Variants in ITGA9 observed in about 807,000 individuals in gnomAD.
The protein encoded by ITGA9 is integrin alpha-9.
Under a neutral mutation model 127.8 loss-of-function variants are expected in ITGA9, and 56 were observed. That is an observed-to-expected ratio of 0.44 (90% CI 0.35 to 0.55). The LOEUF (loss-of-function observed/expected upper bound fraction) is 0.55. Ranked by LOEUF, ITGA9 falls within the 20% of genes least tolerant of loss-of-function variation. The pLI is 0.00. For missense variants in ITGA9, 1,196 were observed against 1,347.1 expected (o/e 0.89, Z 1.76); for synonymous variants, 508 against 514.5 (o/e 0.99, Z 0.17).
intron 18 of ITGA9, among the ~76,000 whole-genome samples, chr3:37,722,926 T>C (rs565677068): frequency 6.6e-6 from 1 of 152,226 alleles, no homozygotes; most frequent in Non-Finnish European, 1.5e-5. Flanking sequence ...TATTTTACAT[T>C]CCCATCAGTA....
chr3:37,530,394 C>T (rs1699137737), intron 13 of ITGA9, among the ~76,000 whole-genome samples: 1 of 152,216 alleles, frequency 6.6e-6, no homozygotes, highest in Non-Finnish European at 1.5e-5. Flanking sequence ...TCGTTCCTAA[C>T]CCTCCTAAGG....
chr3:37,748,472 G>A, intron 22 of ITGA9: 1 of 570,114 alleles, frequency 1.8e-6, no homozygotes, highest in Non-Finnish European at 3.3e-6. Context: ...GAAGCTGGCG[G>A]CACAGTAGCT....
chr3:37,752,820 T>A (rs1696604541), intron 23 of ITGA9, among the ~76,000 whole-genome samples: 1 of 152,218 alleles, frequency 6.6e-6, no homozygotes, highest in African/African-American at 2.4e-5. Context: ...GGTCCAGCTG[T>A]CTGTAAGTGG....
intron 13 of ITGA9, among the ~76,000 whole-genome samples, chr3:37,530,443 G>T (rs886713422): frequency 3.9e-5 from 6 of 152,164 alleles, no homozygotes; most frequent in African/African-American, 1.4e-4. Flanking sequence ...AATGCTATGG[G>T]CTGCAGCTAA....
In ITGA9 at chr3:37,490,975, C is replaced by CCCTTTT. The variant is rs548395527; in HGVS notation, c.545-3526_545-3525insCCTTTT. On this transcript the variant is annotated intron_variant, in intron 4 of 27. Coordinates refer to ENST00000264741, the MANE Select transcript of ITGA9 (RefSeq NM_002207.3). Reference sequence around the variant, plus strand: ...GGTCTCAGATTTGGCTTCCCCCCCGCTTTTTTTTTTTTTTTTTTTGAGACC... The same window carrying CCCTTTT: ...GGTCTCAGATTTGGCTTCCCCCCCGCCCTTTTTTTTTTTTTTTTTTTTTTTGAGACC... 4.8e-5 allele frequency among the ~76,000 whole-genome samples: 5 copies of CCCTTTT among 105,104 alleles called. 1 individual carries two copies. Among genetic ancestry groups the CCCTTTT allele is most frequent in the Non-Finnish European group, 5.9e-5 (3 of 51,014 alleles). 69.0% of individuals were successfully genotyped at this position (105,104 alleles called of 152,430 possible).
chr3:37,621,671 G>A (rs957122722), intron 15 of ITGA9, among the ~76,000 whole-genome samples: 1 of 152,168 alleles, frequency 6.6e-6, no homozygotes, highest in African/African-American at 2.4e-5. Flanking sequence ...GGGGTTATGT[G>A]ATTTTCATAG....
At chr3:37,796,521 G>GGACA (rs1379753981) in intron 26 of ITGA9, among the ~76,000 whole-genome samples, 1 of 151,954 alleles carries the variant, frequency 6.6e-6, no homozygotes, top group Non-Finnish European at 1.5e-5. Flanking sequence ...ATGGAACGAC[G>GGACA]GACAGACGGA....
At chr3:37,763,264 G>A (rs1198065949) in intron 23 of ITGA9, among the ~76,000 whole-genome samples, 5 of 152,174 alleles carry the variant, frequency 3.3e-5, no homozygotes, top group African/African-American at 7.2e-5. Context: ...AATTTTAAAC[G>A]GAGTGGTCAG....
intron 15 of ITGA9, among the ~76,000 whole-genome samples, chr3:37,546,787 G>A (rs1322136931): frequency 2.6e-5 from 4 of 152,184 alleles, no homozygotes; most frequent in African/African-American, 9.7e-5. Context: ...GGCTTGAGAT[G>A]ATGGAGAAGA....
chr3:37,585,134 A>G (rs1329207382), intron 15 of ITGA9, among the ~76,000 whole-genome samples: 2 of 152,128 alleles, frequency 1.3e-5, no homozygotes, highest in Admixed American at 6.5e-5. Flanking sequence ...TAGGGCATTA[A>G]TGGCTCCCTG....
chr3:37,609,433 A>G (rs1168534507), intron 15 of ITGA9, among the ~76,000 whole-genome samples: 2 of 152,226 alleles, frequency 1.3e-5, no homozygotes, highest in Non-Finnish European at 2.9e-5. Flanking sequence ...TACAATCTAA[A>G]TAAAAGTCTA....
chr3:37,625,936 C>G (rs1700172270), intron 15 of ITGA9, among the ~76,000 whole-genome samples: 1 of 152,128 alleles, frequency 6.6e-6, no homozygotes. Context: ...TAAGAAGCTG[C>G]TTTTCAGACT....
At chr3:37,562,569 G>A (rs951270478) in intron 15 of ITGA9, among the ~76,000 whole-genome samples, 1 of 152,188 alleles carries the variant, frequency 6.6e-6, no homozygotes, top group African/African-American at 2.4e-5. Context: ...CGGCACGGAG[G>A]TTCAGTGGTT....
rs374706603 is a variant in ITGA9, at chr3:37,642,996, A to T, written c.1840-10718A>T. 1.1e-3 allele frequency among the ~76,000 whole-genome samples: 167 copies of T among 152,272 alleles called. 1 individual carries two copies. Among genetic ancestry groups the T allele is most frequent in the Middle Eastern group, 3.4e-3 (1 of 294 alleles). Reference sequence around the variant, plus strand: ...AGGTTTATTTTCATTATTATATTTAAACGTCTCTGCAGAAGGAATGGAAGG... The same window carrying T: ...AGGTTTATTTTCATTATTATATTTATACGTCTCTGCAGAAGGAATGGAAGG... On this transcript the variant is annotated intron_variant, in intron 16 of 27. Coordinates refer to ENST00000264741, the MANE Select transcript of ITGA9 (RefSeq NM_002207.3).
intron 18 of ITGA9, among the ~76,000 whole-genome samples, chr3:37,696,951 C>T (rs1455252702): frequency 1.3e-5 from 2 of 152,026 alleles, no homozygotes; most frequent in Non-Finnish European, 2.9e-5. Context: ...TTAACAAGAT[C>T]GTTGGGTATC....
At chr3:37,645,199 GT>G (rs1700365400) in intron 16 of ITGA9, among the ~76,000 whole-genome samples, 1 of 152,198 alleles carries the variant, frequency 6.6e-6, no homozygotes, top group South Asian at 2.1e-4. Context: ...GTTCAGAAAT[GT>G]CACTCCTGTC....
chr3:37,766,094 C>G (rs192736085), intron 23 of ITGA9, among the ~76,000 whole-genome samples: 7 of 152,368 alleles, frequency 4.6e-5, no homozygotes, highest in Admixed American at 2.0e-4. Context: ...AAGTCGATAA[C>G]AGGAAATCTC....
At chr3:37,760,271 TAA>T (rs35166311) in intron 23 of ITGA9, among the ~76,000 whole-genome samples, 3 of 141,856 alleles carry the variant, frequency 2.1e-5, no homozygotes, top group East Asian at 2.1e-4. Flanking sequence ...TCAATTTAAT[TAA>T]AAAAAAAAAA....
intron 15 of ITGA9, among the ~76,000 whole-genome samples, chr3:37,542,881 G>T (rs1377839273): frequency 6.6e-6 from 1 of 151,964 alleles, no homozygotes; most frequent in Non-Finnish European, 1.5e-5. Context: ...CCTCTATGAG[G>T]CTTGGTAGCC....
Sources: allele counts gnomAD v4.1 joint callset (sites outside exome capture counted in the v4.1 genomes callset), GRCh38; gene constraint gnomAD v4.1.1; transcripts MANE v1.5; gene names NCBI Gene and HGNC (gene_info 2026-07-23, HGNC 2026-07-21).